DYNC1I1: variants seen among roughly 807,000 people sequenced by gnomAD.
DYNC1I1 encodes the protein cytoplasmic dynein 1 intermediate chain 1.
Under a neutral mutation model 86.6 loss-of-function variants are expected in DYNC1I1, and 43 were observed. The ratio of observed to expected loss-of-function variants is 0.50; its 90% CI spans 0.39 to 0.64. The LOEUF (loss-of-function observed/expected upper bound fraction) is 0.64, where lower values mean the gene tolerates loss of function less well. DYNC1I1 is among the 30% of genes least tolerant of loss of function. DYNC1I1 has a pLI of 0.00. For missense variants in DYNC1I1, 604 were observed against 788.8 expected (o/e 0.77, Z 2.81); for synonymous variants, 262 against 283.7 (o/e 0.92, Z 0.77).
rs567657243 is a variant in DYNC1I1 at position 96,098,378 on chromosome 7, G to A, written c.*785G>A. Reference sequence around the variant, plus strand: ...CTAACACAGTCTGACAAAAGTCTATGGTTCCTAAATATGACATCAGTGTTG... The same window carrying A: ...CTAACACAGTCTGACAAAAGTCTATAGTTCCTAAATATGACATCAGTGTTG... On this transcript the variant is annotated 3_prime_UTR_variant, in exon 17 of 17. Transcript: ENST00000447467. 5.1e-6 allele frequency: 5 copies of A among 985,558 alleles called. No homozygotes were observed. Among genetic ancestry groups the A allele is most frequent in the Admixed American group, 6.1e-5 (1 of 16,272 alleles). 61.1% of individuals were successfully genotyped at this position (985,558 alleles called of 1,614,324 possible).
At chr7:95,998,799 C>A (rs989932359) in intron 10 of DYNC1I1, among the ~76,000 whole-genome samples, 1 of 152,008 alleles carries the variant, frequency 6.6e-6, no homozygotes, top group Non-Finnish European at 1.5e-5. Flanking sequence ...TAAACAAAAC[C>A]AATGGATCAG....
intron 14 of DYNC1I1, among the ~76,000 whole-genome samples, chr7:96,040,165 C>T (rs1788993500): frequency 6.6e-6 from 1 of 151,970 alleles, no homozygotes; most frequent in African/African-American, 2.4e-5. Flanking sequence ...ACCTGTCAGG[C>T]AGAGGTTGCA....
chr7:95,909,888 C>A (rs531821014), intron 6 of DYNC1I1, among the ~76,000 whole-genome samples: 60 of 152,154 alleles, frequency 3.9e-4, no homozygotes, highest in African/African-American at 1.4e-3. Flanking sequence ...CTGGACTGAG[C>A]CTCGTTCTCC....
intron 4 of DYNC1I1, among the ~76,000 whole-genome samples, chr7:95,822,974 C>T (rs920264008): frequency 2.0e-5 from 3 of 152,054 alleles, no homozygotes; most frequent in African/African-American, 2.4e-5. Flanking sequence ...GGGAAGCTGT[C>T]GTAGTTAAAC....
At chr7:95,929,764 A>C (rs1017647942) in intron 6 of DYNC1I1, among the ~76,000 whole-genome samples, 3 of 152,252 alleles carry the variant, frequency 2.0e-5, no homozygotes, top group Non-Finnish European at 4.4e-5. Context: ...ATCATATGGT[A>C]CATATGCATT....
chr7:96,061,589 A>T (rs1210617395), intron 14 of DYNC1I1, among the ~76,000 whole-genome samples: 1 of 151,214 alleles, frequency 6.6e-6, no homozygotes, highest in South Asian at 2.1e-4. Context: ...GAATCTCCGA[A>T]CCCTCCCACT....
intron 4 of DYNC1I1, among the ~76,000 whole-genome samples, chr7:95,816,098 A>G (rs571969556): frequency 7.2e-5 from 11 of 152,000 alleles, no homozygotes; most frequent in African/African-American, 2.7e-4. Flanking sequence ...GCTCACTGCA[A>G]CCTCAAACTC....
chr7:96,038,590 C>T (rs1280021558), intron 13 of DYNC1I1, among the ~76,000 whole-genome samples: 1 of 152,176 alleles, frequency 6.6e-6, no homozygotes, highest in East Asian at 1.9e-4. Context: ...TGAGCACTTA[C>T]TATATGCCAG....
At position 96,028,285 on chromosome 7, in the gene DYNC1I1, A is replaced by G; in HGVS notation, c.1080A>G (p.Pro360=). 2.5e-6 allele frequency: 4 copies of G among 1,613,764 alleles called. No homozygotes were observed. The South Asian group carries it at 4.4e-5, about 18-fold the overall frequency. Residue 360 remains proline (P), a synonymous_variant, in exon 11 of 17, where the codon CCA becomes CCG. Coordinates refer to ENST00000447467, the MANE Select transcript of DYNC1I1 (RefSeq NM_001135556.2). ...ACAATCGCAGTCATCGAAGGACTCCAGTGCAGCGGACACCCTTATCAGCTG... is the reference window on the plus strand; with the variant it reads ...ACAATCGCAGTCATCGAAGGACTCCGGTGCAGCGGACACCCTTATCAGCTG... ...LWDNRSHRRT[P]VQRTPLSAAA...
At chr7:96,024,834 T>C (rs1357178836) in intron 10 of DYNC1I1, among the ~76,000 whole-genome samples, 3 of 152,168 alleles carry the variant, frequency 2.0e-5, no homozygotes, top group Non-Finnish European at 4.4e-5. Flanking sequence ...ATGATATCAT[T>C]TGCTCTTTTT....
At chr7:96,020,937 G>A (rs1562974207) in intron 10 of DYNC1I1, among the ~76,000 whole-genome samples, 1 of 152,082 alleles carries the variant, frequency 6.6e-6, no homozygotes, top group Non-Finnish European at 1.5e-5. Flanking sequence ...GGTACCTCAA[G>A]TAGTCAAATT....
At chr7:95,941,210 TG>T (rs1188349692) in intron 6 of DYNC1I1, among the ~76,000 whole-genome samples, 1 of 151,946 alleles carries the variant, frequency 6.6e-6, no homozygotes, top group Non-Finnish European at 1.5e-5. Flanking sequence ...CTGCCCCTAC[TG>T]GGGGGTGCCT....
At chr7:96,087,071 A>G (rs2299293) in intron 16 of DYNC1I1, among the ~76,000 whole-genome samples, 28,635 of 130,940 alleles carry the variant, frequency 0.22, 2,851 homozygotes, top group Middle Eastern at 0.29. Flanking sequence ...AATAAATACA[A>G]TACAATGATG....
chr7:95,869,389 A>G (rs779505812), intron 5 of DYNC1I1, among the ~76,000 whole-genome samples: 13 of 152,190 alleles, frequency 8.5e-5, no homozygotes, highest in Admixed American at 3.3e-4. Context: ...TATTCTGCAG[A>G]AATGAGAAGT....
At chr7:95,997,843 C>T (rs1793909178) in intron 10 of DYNC1I1, among the ~76,000 whole-genome samples, 1 of 152,026 alleles carries the variant, frequency 6.6e-6, no homozygotes, top group Admixed American at 6.6e-5. Context: ...CACTTTGATA[C>T]AGGTGATACT....
intron 9 of DYNC1I1, 45 bp from the exon 10 acceptor site, chr7:95,995,903 G>A: frequency 1.3e-6 from 2 of 1,547,490 alleles, no homozygotes; most frequent in Non-Finnish European, 1.7e-6. Context: ...TTTTCCTTGT[G>A]TTGTCATCTT....
At position 96,046,297 on chromosome 7, in the gene DYNC1I1, T is replaced by C. The variant is rs535705189; in HGVS notation, c.1509+6876T>C. 2.0e-5 allele frequency among the ~76,000 whole-genome samples: 3 copies of C among 152,306 alleles called. No homozygotes were observed. The South Asian group carries it at 6.2e-4, about 32-fold the overall frequency. On this transcript the variant is annotated intron_variant, in intron 14 of 16. Transcript: ENST00000447467. ...GTGACAAGTCATTTTAGGAGAGAATTAATCAAAATTTGATTTTAAGGAGTT... is the reference window on the plus strand; with the variant it reads ...GTGACAAGTCATTTTAGGAGAGAATCAATCAAAATTTGATTTTAAGGAGTT...
intron 6 of DYNC1I1, among the ~76,000 whole-genome samples, chr7:95,954,848 G>A (rs1003155865): frequency 2.0e-5 from 3 of 147,514 alleles, no homozygotes; most frequent in Admixed American, 1.4e-4. Flanking sequence ...CCCGGGAGGC[G>A]GAGCTTGCAG....
intron 1 of DYNC1I1, among the ~76,000 whole-genome samples, chr7:95,782,628 G>A (rs898105709): frequency 7.2e-5 from 11 of 152,226 alleles, no homozygotes; most frequent in African/African-American, 2.7e-4. Context: ...TCCGTAGATG[G>A]CTAAGTATTA....
Sources: gnomAD v4.1 joint callset for allele counts (sites outside exome capture counted in the v4.1 genomes callset) on GRCh38, gnomAD v4.1.1 for gene constraint, MANE v1.5 for transcripts, NCBI Gene and HGNC (gene_info 2026-07-23, HGNC 2026-07-21) for gene names.